DLL3: variants seen among roughly 807,000 people sequenced by gnomAD.
DLL3 encodes delta like canonical Notch ligand 3.
Under a neutral mutation model 55.0 loss-of-function variants are expected in DLL3, and 49 were observed. That is an observed-to-expected ratio of 0.89 (90% CI 0.71 to 1.13). The LOEUF (loss-of-function observed/expected upper bound fraction) is 1.13, where lower values mean the gene tolerates loss of function less well. DLL3 is among the 50% of genes most tolerant of loss of function. DLL3 has a pLI of 0.00. For synonymous variants in DLL3, 421 were observed against 385.2 expected (o/e 1.09, Z -1.09); for missense variants, 962 against 875.5 (o/e 1.10, Z -1.25).
intron 6 of DLL3, among the ~76,000 whole-genome samples, chr19:39,506,423 G>A (rs189830387): frequency 3.0e-3 from 455 of 151,330 alleles, no homozygotes; most frequent in Admixed American, 6.5e-3. Flanking sequence ...ATCTTCTTGC[G>A]AGTGAATACA....
rs2079646600 is a variant in DLL3, at chr19:39,507,200, C to G, written c.1255C>G (p.Leu419Val). Residue 419 changes from leucine (L) to valine (V), a missense_variant, in exon 7 of 9, where the codon CTG becomes GTG. Physicochemically the swap from Leu to Val is conservative, Grantham distance 32. Transcript: ENST00000356433. The part of the protein sequence containing the change: ...GGGAHRCSCA[L>V]GFGGRDCRER... ...CGGCGCGCACCGCTGCTCCTGCGCG[C>G]TGGGCTTCGGCGGCCGCGACTGCCG... The G allele has an allele frequency of 7.6e-7, 1 of 1,318,336 alleles. No individual in the cohort carries two copies. Among genetic ancestry groups the G allele is most frequent in the Non-Finnish European group, 9.6e-7 (1 of 1,044,376 alleles). 81.7% of individuals were successfully genotyped at this position (1,318,336 alleles called of 1,614,324 possible).
In DLL3 at chr19:39,502,803, C is replaced by T; in HGVS notation, c.410-12C>T. ...GCCCACCCCAGCACCCCTCCTTTGCCTGTCCTCGCAGGGCCCGCCTGGAGC... is the reference window on the plus strand; with the variant it reads ...GCCCACCCCAGCACCCCTCCTTTGCTTGTCCTCGCAGGGCCCGCCTGGAGC... On this transcript the variant is annotated splice_polypyrimidine_tract_variant and intron_variant, in intron 3 of 8. Transcript: ENST00000356433. 1 of 1,412,524 alleles carries T rather than the reference C, an allele frequency of 7.1e-7. No individual in the cohort carries two copies. The highest frequency in any genetic ancestry group is 1.5e-5 in the African/African-American group (1 of 67,074). The allele number at this position is 1,412,524 out of a possible 1,614,324, so 87.5% of individuals were successfully genotyped here. A position where few individuals can be genotyped will look rare whatever the true frequency, so the allele number is the denominator to read the frequency against.
At position 39,499,385 on chromosome 19, in the gene DLL3, C is replaced by A; in HGVS notation, c.263C>A (p.Pro88Gln). 1 of 1,569,782 alleles carries A rather than the reference C, an allele frequency of 6.4e-7. No individual in the cohort carries two copies. The highest frequency in any genetic ancestry group is 2.3e-5 in the East Asian group (1 of 42,988). Residue 88 changes from proline (P) to glutamine (Q), a missense_variant, in exon 2 of 9, where the codon CCG (proline) becomes CAG (glutamine). Coordinates refer to ENST00000356433, the MANE Select transcript of DLL3 (RefSeq NM_203486.3). ...ALGAALSARGPVYTEQPGAPA... is the reference protein window; with the variant it reads ...ALGAALSARGQVYTEQPGAPA... ...GGCGCGGCGCTGAGTGCGCGCGGAC[C>A]GGTCTACACCGAGCAGCCCGGAGCG...
rs1600754619 is a variant in DLL3, at chr19:39,502,992, C to T, written c.587C>T (p.Ala196Val). ...ACTRLCRPRS[A>V]PSRCGPGLRP... Reference sequence around the variant, plus strand: ...ACGCGCCTCTGCCGTCCGCGCAGCGCCCCCTCGCGGTGCGGTCCGGGACTG... The same window carrying T: ...ACGCGCCTCTGCCGTCCGCGCAGCGTCCCCTCGCGGTGCGGTCCGGGACTG... The change falls in exon 4 of 9, where the codon GCC becomes GTC. Residue 196 changes from alanine to valine, a missense_variant. Coordinates refer to ENST00000356433, the MANE Select transcript of DLL3 (RefSeq NM_203486.3). 1 of 1,483,778 alleles carries T rather than the reference C, an allele frequency of 6.7e-7. No homozygotes were observed. The allele number at this position is 1,483,778 out of a possible 1,614,324, so 91.9% of individuals were successfully genotyped here.
intron 2 of DLL3, among the ~76,000 whole-genome samples, chr19:39,500,283 G>C (rs920161335): frequency 1.4e-5 from 2 of 140,928 alleles, no homozygotes; most frequent in African/African-American, 2.5e-5. Context: ...AAAAAACATA[G>C]CAGGGCATGG....
chr19:39,500,691 G>T lies in DLL3; in HGVS notation c.409+19G>T, dbSNP rs201227250. 5.0e-5 allele frequency: 80 copies of T among 1,610,784 alleles called. No individual in the cohort carries two copies. In the East Asian group the frequency reaches 1.1e-3, roughly 22 times the overall value. ...ATTGGAGGTGAGTGTCTTCAGTCTT[G>T]GGACTGGTGGGGAGCTGGGGCCCAC... On this transcript the variant is annotated intron_variant, in intron 3 of 8. Coordinates refer to ENST00000356433, the MANE Select transcript of DLL3 (RefSeq NM_203486.3).
chr19:39,502,534 G>C (rs992322391), intron 3 of DLL3, among the ~76,000 whole-genome samples: 3 of 152,112 alleles, frequency 2.0e-5, no homozygotes, highest in Non-Finnish European at 4.4e-5. Context: ...CAAAGTGCTG[G>C]GATTTCAGGC....
chr19:39,505,327 C>T lies in DLL3; in HGVS notation c.969C>T (p.Asn323=), dbSNP rs139638161. 5.9e-5 allele frequency: 95 copies of T among 1,614,184 alleles called. No individual in the cohort carries two copies. The East Asian group carries it at 1.2e-3, about 21-fold the overall frequency. Residue 323 remains asparagine, a synonymous_variant, in exon 6 of 9, where the codon AAC becomes AAT. Transcript: ENST00000356433. ...CATGTGCAGATGGACCCTGCTTCAA[C>T]GGCGGCTTGTGTGTCGGGGGTGCAG... is the stretch of plus-strand genomic sequence containing the variant. ...GVTCADGPCF[N]GGLCVGGADP...
chr19:39,508,371 G>A lies in DLL3; in HGVS notation c.*114G>A. On this transcript the variant is annotated 3_prime_UTR_variant, in exon 9 of 9. Coordinates refer to ENST00000356433, the MANE Select transcript of DLL3 (RefSeq NM_203486.3). ...TTCAATCTTGAAGGGGTGTCTGGGG[G>A]AACTTTACTGTTGCAAGTTGTAAAT... The A allele has an allele frequency of 4.9e-6, 6 of 1,212,598 alleles. No homozygotes were observed. The highest frequency in any genetic ancestry group is 6.1e-6 in the Non-Finnish European group (5 of 821,748). The allele number at this position is 1,212,598 out of a possible 1,614,324, so 75.1% of individuals were successfully genotyped here.
chr19:39,506,109 G>A (rs560606680), intron 6 of DLL3, among the ~76,000 whole-genome samples: 1 of 151,228 alleles, frequency 6.6e-6, no homozygotes, highest in Non-Finnish European at 1.5e-5. Flanking sequence ...CTACTCGGGA[G>A]GCTAAGGCGG....
intron 5 of DLL3, among the ~76,000 whole-genome samples, 196 bp downstream of exon 5, chr19:39,504,484 G>T (rs555897646): frequency 1.3e-5 from 2 of 152,318 alleles, no homozygotes; most frequent in Admixed American, 6.5e-5. Flanking sequence ...ACTGGGGAGA[G>T]CAGGCTCAGT....
rs1317822143 is a variant in DLL3 at position 39,507,065 on chromosome 19, G to A, written c.1120G>A (p.Ala374Thr). 2 of 1,540,196 alleles carry A rather than the reference G, an allele frequency of 1.3e-6. No individual in the cohort carries two copies. The highest frequency in any genetic ancestry group is 4.8e-5 in the East Asian group (2 of 41,322). Residue 374 changes from alanine to threonine, a missense_variant, in exon 7 of 9, where the codon GCC (alanine) becomes ACC (threonine). Physicochemically the swap from Ala to Thr is moderately conservative, Grantham distance 58. Transcript: ENST00000356433. ...NGGLCLDLGHALRCRCRAGFA... is the reference protein window; with the variant it reads ...NGGLCLDLGHTLRCRCRAGFA... ...CGGACTCTGCCTGGACCTGGGCCAC[G>A]CCCTGCGCTGCCGCTGCCGCGCCGG...
Position 39,508,455 on chromosome 19 carries a change from C to A in DLL3, c.*198C>A. On this transcript the variant is annotated 3_prime_UTR_variant, in exon 9 of 9. Transcript: ENST00000356433. ...ATCTCTCTAGAAACACCTATAAAGG[C>A]TATTATTGTGATCAGTTTTGACTAA... is the stretch of plus-strand genomic sequence containing the variant. 1.6e-6 allele frequency: 1 copy of A among 644,088 alleles called. No homozygotes were observed. The allele number at this position is 644,088 out of a possible 1,614,324, so 39.9% of individuals were successfully genotyped here.
intron 8 of DLL3, 149 bp downstream of exon 8, chr19:39,508,063 A>C: frequency 6.2e-7 from 1 of 1,601,374 alleles, no homozygotes; most frequent in Non-Finnish European, 8.5e-7. Context: ...GTTCTAACTT[A>C]CTTTCATCCT....
chr19:39,500,524 C>T lies in DLL3; in HGVS notation c.352-91C>T. The T allele has an allele frequency of 1.3e-5, 15 of 1,158,954 alleles. No individual in the cohort carries two copies. In the South Asian group the frequency reaches 1.8e-4, roughly 14 times the overall value. 71.8% of individuals were successfully genotyped at this position (1,158,954 alleles called of 1,614,324 possible). ...TTGCTCAGTCCCCAGCAATGGCCAT[C>T]ACCCTCCATTCCTGAACTCTGGCCT... On this transcript the variant is annotated intron_variant, in intron 2 of 8. Transcript: ENST00000356433.
intron 3 of DLL3, 33 bp from the exon 4 acceptor site, chr19:39,502,782 A>G: frequency 7.4e-7 from 1 of 1,354,948 alleles, no homozygotes; most frequent in Non-Finnish European, 9.5e-7. Context: ...GGCCGGGCCC[A>G]CCCCAGCACC....
At position 39,502,823 on chromosome 19, in the gene DLL3, TG is replaced by T; in HGVS notation, c.420del (p.Trp140Ter). On this transcript the variant is annotated frameshift_variant, in exon 4 of 9. Coordinates refer to ENST00000356433, the MANE Select transcript of DLL3 (RefSeq NM_203486.3). LOFTEE classifies it high-confidence loss of function. The part of the protein sequence containing the change: ...ELGDQIGGPA[W>X]SLLARVAGRR... ...TTTGCCTGTCCTCGCAGGGCCCGCC[TG>T]GAGCCTGCTGGCGCGCGTGGCTGGC... is the stretch of plus-strand genomic sequence containing the variant. 7.0e-7 allele frequency: 1 copy of T among 1,419,456 alleles called. No homozygotes were observed. Among genetic ancestry groups the T allele is most frequent in the Non-Finnish European group, 9.2e-7 (1 of 1,092,446 alleles). 87.9% of individuals were successfully genotyped at this position (1,419,456 alleles called of 1,614,324 possible). A position where few individuals can be genotyped will look rare whatever the true frequency, so the allele number is the denominator to read the frequency against.
In DLL3 at chr19:39,507,484, C is replaced by T; in HGVS notation, c.1539C>T (p.Val513=). The change falls in exon 7 of 9, where the codon GTC becomes GTT. Residue 513 remains valine, a synonymous_variant. Coordinates refer to ENST00000356433, the MANE Select transcript of DLL3 (RefSeq NM_203486.3). ...TGGCCGGCGCTGCGCTCTTGCTGGTCCACGTGCGCCGCCGTGGCCACTCCC... is the reference window on the plus strand; with the variant it reads ...TGGCCGGCGCTGCGCTCTTGCTGGTTCACGTGCGCCGCCGTGGCCACTCCC... ...AGVAGAALLL[V]HVRRRGHSQD... is the part of the protein sequence containing the mutation. 3 of 1,594,400 alleles carry T rather than the reference C, an allele frequency of 1.9e-6. No homozygotes were observed. The highest frequency in any genetic ancestry group is 1.7e-6 in the Non-Finnish European group (2 of 1,171,732).
chr19:39,498,970 A>G lies in DLL3; in HGVS notation c.-5A>G, dbSNP rs764160030. ...CGACTCCCGAGACCCCCCCACCAGA[A>G]GGCCATGGTCTCCCCACGGATGTCC... On this transcript the variant is annotated 5_prime_UTR_variant, in exon 1 of 9. Coordinates refer to ENST00000356433, the MANE Select transcript of DLL3 (RefSeq NM_203486.3). 1 of 1,613,380 alleles carries G rather than the reference A, an allele frequency of 6.2e-7. No individual in the cohort carries two copies. Among genetic ancestry groups the G allele is most frequent in the Non-Finnish European group, 8.5e-7 (1 of 1,179,858 alleles).
Sources: allele counts gnomAD v4.1 joint callset (sites outside exome capture counted in the v4.1 genomes callset), GRCh38; gene constraint gnomAD v4.1.1; transcripts MANE v1.5; gene names NCBI Gene and HGNC (gene_info 2026-07-23, HGNC 2026-07-21).